Variants in PPP6R2 observed in about 807,000 individuals in gnomAD.
The protein encoded by PPP6R2 is serine/threonine-protein phosphatase 6 regulatory subunit 2.
PPP6R2 carries 62 observed loss-of-function variants against 100.2 expected under a neutral mutation model. The observed-to-expected ratio is 0.62, with a 90% CI of 0.50 to 0.76. The LOEUF (loss-of-function observed/expected upper bound fraction) is 0.76, where lower values mean the gene tolerates loss of function less well. Among genes scored for constraint, PPP6R2 ranks in the 30% least tolerant of loss-of-function variants. The pLI, the probability that PPP6R2 is intolerant of heterozygous loss-of-function variation, is 0.00. For synonymous variants in PPP6R2, 525 were observed against 514.7 expected (o/e 1.02, Z -0.27); for missense variants, 1,142 against 1,276.3 (o/e 0.89, Z 1.60).
At chr22:50,435,103 CCTT>C (rs755945603) in intron 13 of PPP6R2, 22 bp downstream of exon 13, 28 of 1,500,522 alleles carry the variant, frequency 1.9e-5, no homozygotes, top group Admixed American at 1.1e-4. Context: ...ACCCGGTCAT[CCTT>C]CTGCTGGTCG....
intron 2 of PPP6R2, among the ~76,000 whole-genome samples, chr22:50,382,374 G>A (rs1171739810): frequency 8.6e-5 from 13 of 151,754 alleles, no homozygotes; most frequent in African/African-American, 1.9e-4. Flanking sequence ...TAAGGCGGGC[G>A]GATCACAAGG....
In PPP6R2 at chr22:50,407,757, G is replaced by T. The variant is rs577591039; in HGVS notation, c.414+882G>T. Among the ~76,000 whole-genome samples, 12 of 152,332 alleles carry T rather than the reference G, an allele frequency of 7.9e-5. No individual in the cohort carries two copies. The South Asian group carries it at 2.5e-3, about 32-fold the overall frequency. On this transcript the variant is annotated intron_variant, in intron 4 of 23. Coordinates refer to ENST00000612753, the MANE Select transcript of PPP6R2 (RefSeq NM_001242898.2). ...GAGAGGCGTGGTGGTCCCTGTGCCT[G>T]CACCCTGCAGTCCGCCTTGGCCAGT...
chr22:50,414,799 C>A, intron 5 of PPP6R2, 110 bp downstream of exon 5: 1 of 1,261,480 alleles, frequency 7.9e-7, no homozygotes, highest in Non-Finnish European at 1.1e-6. Flanking sequence ...ATCTCTCCAC[C>A]TAGCGTGCAT....
At chr22:50,376,907 G>A (rs1406862186) in intron 2 of PPP6R2, among the ~76,000 whole-genome samples, 3 of 151,966 alleles carry the variant, frequency 2.0e-5, no homozygotes, top group Non-Finnish European at 4.4e-5. Context: ...GGCGCCTGTA[G>A]TCCCAGCTAC....
chr22:50,413,883 G>A (rs1029123512), intron 4 of PPP6R2, among the ~76,000 whole-genome samples: 1 of 152,160 alleles, frequency 6.6e-6, no homozygotes, highest in Admixed American at 6.5e-5. Flanking sequence ...GCTGAGTTGA[G>A]CTGAATTTGC....
rs2061604634 is a variant in PPP6R2 at position 50,423,552 on chromosome 22, C to T, written c.1063C>T (p.His355Tyr). The change falls in exon 10 of 24, where the codon CAC becomes TAC. Residue 355 changes from histidine to tyrosine, a missense_variant. By Grantham distance (83) the His-to-Tyr change is moderately conservative. This residue lies in a region of PPP6R2 where 592 missense variants were observed against 758.9 expected (regional missense o/e 0.78). Coordinates refer to ENST00000612753, the MANE Select transcript of PPP6R2 (RefSeq NM_001242898.2). The surrounding 1 kb of genome is among the most constrained non-coding windows in gnomAD (Gnocchi z 4.8). ...CGCCCGCCTCATGGCAGCACTGCTG[C>T]ACACAAACACACCCAGCATCAACCA... ...HGARLMAALL[H>Y]TNTPSINQEL... 6.2e-7 allele frequency: 1 copy of T among 1,614,232 alleles called. No homozygotes were observed. The highest frequency in any genetic ancestry group is 1.3e-5 in the African/African-American group (1 of 75,060).
chr22:50,410,016 C>T (rs2059520065), intron 4 of PPP6R2, among the ~76,000 whole-genome samples: 2 of 152,222 alleles, frequency 1.3e-5, no homozygotes, highest in Non-Finnish European at 2.9e-5. Context: ...GTGTGAGCCA[C>T]TGCACACGGC....
chr22:50,444,140 T>C, intron 23 of PPP6R2, 23 bp downstream of exon 23: 2 of 1,611,468 alleles, frequency 1.2e-6, no homozygotes, highest in Non-Finnish European at 8.5e-7. Context: ...AGTGTGGGGG[T>C]AGGGGGTGTG....
At chr22:50,338,661 T>G (rs1466336956), upstream of PPP6R2, among the ~76,000 whole-genome samples, 15 of 141,124 alleles carry the variant, frequency 1.1e-4, no homozygotes, top group Non-Finnish European at 2.1e-4. Flanking sequence ...GTAGTGTGTG[T>G]GGTATGTGGT....
At chr22:50,339,489 A>G (rs1397859846), upstream of PPP6R2, among the ~76,000 whole-genome samples, 177 of 42,150 alleles carry the variant, frequency 4.2e-3, no homozygotes, top group South Asian at 6.5e-3. Context: ...TGTGGTGTGT[A>G]TAGGGTGTGT....
intron 17 of PPP6R2, 44 bp from the exon 18 acceptor site, chr22:50,438,130 C>T (rs536544745): frequency 6.3e-7 from 1 of 1,587,628 alleles, no homozygotes; most frequent in East Asian, 2.2e-5. Flanking sequence ...GCTCCTGTCT[C>T]CCCCAGACCC....
At chr22:50,440,740 G>GT in intron 21 of PPP6R2, 82 bp from the exon 22 acceptor site, 1 of 1,494,254 alleles carries the variant, frequency 6.7e-7, no homozygotes, top group Non-Finnish European at 9.3e-7. Flanking sequence ...AGGGCCACAT[G>GT]TATGGGGACC....
intron 4 of PPP6R2, among the ~76,000 whole-genome samples, chr22:50,412,228 A>G (rs1230757163): frequency 3.3e-5 from 5 of 151,876 alleles, no homozygotes; most frequent in Non-Finnish European, 7.4e-5. Context: ...CTCTCACTCT[A>G]TCCCCCAGGC....
At chr22:50,438,849 G>A in intron 19 of PPP6R2, 87 bp downstream of exon 19, 5 of 1,349,386 alleles carry the variant, frequency 3.7e-6, no homozygotes, top group Non-Finnish European at 5.0e-6. Context: ...GCTTCATTTG[G>A]AGCTGAGGCA....
intron 13 of PPP6R2, among the ~76,000 whole-genome samples, chr22:50,435,505 A>G (rs1244857391): frequency 1.3e-5 from 2 of 152,186 alleles, no homozygotes; most frequent in African/African-American, 4.8e-5. Flanking sequence ...TCGTAGCACA[A>G]GTCTCAGGGG....
chr22:50,339,744 AG>A (rs2042348353), upstream of PPP6R2, among the ~76,000 whole-genome samples: 1 of 75,824 alleles, frequency 1.3e-5, no homozygotes, highest in African/African-American at 6.1e-5. Context: ...TGTGGTATAT[AG>A]TATGTGGTGG....
chr22:50,440,771 C>T (rs372522068), intron 21 of PPP6R2, 51 bp from the exon 22 acceptor site: 9 of 1,594,762 alleles, frequency 5.6e-6, no homozygotes, highest in African/African-American at 1.3e-5. Context: ...AGTGGCCGCA[C>T]CCTGTGACCC....
chr22:50,378,798 C>T (rs1042987788), intron 2 of PPP6R2, among the ~76,000 whole-genome samples: 6 of 150,772 alleles, frequency 4.0e-5, no homozygotes, highest in African/African-American at 1.2e-4. Flanking sequence ...GAGGATCACT[C>T]GAGCCCAGGA....
intron 1 of PPP6R2, among the ~76,000 whole-genome samples, chr22:50,359,110 C>T (rs2047244275): frequency 1.3e-5 from 2 of 150,692 alleles, no homozygotes; most frequent in South Asian, 2.1e-4. Flanking sequence ...AGTGATTTTC[C>T]TGCCTCAGCC....
Sources: allele counts gnomAD v4.1 joint callset (sites outside exome capture counted in the v4.1 genomes callset), GRCh38; gene constraint gnomAD v4.1.1; regional missense constraint gnomAD v4.1.1; non-coding constraint Gnocchi (gnomAD v3.1); transcripts MANE v1.5; gene names NCBI Gene and HGNC (gene_info 2026-07-23, HGNC 2026-07-21).